Variants in GLMN observed in about 807,000 individuals in gnomAD.
The protein encoded by GLMN is glomulin.
In GLMN, 75 loss-of-function variants were observed where a neutral mutation model predicts 87.8. The observed-to-expected ratio is 0.85, with a 90% CI of 0.71 to 1.04. The LOEUF is 1.04. Among genes scored for constraint, GLMN ranks in the 50% least tolerant of loss-of-function variants. The pLI is 0.00. For missense variants in GLMN, 588 were observed against 658.8 expected (o/e 0.89, Z 1.18); for synonymous variants, 206 against 221.6 (o/e 0.93, Z 0.63).
the GLMN span, among the ~76,000 whole-genome samples, chr1:92,350,653 C>G: frequency 6.6e-6 from 1 of 152,190 alleles, no homozygotes; most frequent in African/African-American, 2.4e-5. Flanking sequence ...AGATTGTCTT[C>G]TATAGGCCAG....
chr1:92,278,698 T>C (rs1184596432), intron 7 of GLMN, among the ~76,000 whole-genome samples: 1 of 152,176 alleles, frequency 6.6e-6, no homozygotes, highest in African/African-American at 2.4e-5. Context: ...ATCCCTCAAC[T>C]CTGAAACTCA....
chr1:92,286,487 T>A lies in GLMN; in HGVS notation c.735+3A>T, dbSNP rs750029268. On this transcript the variant is annotated splice_donor_region_variant and intron_variant, in intron 7 of 18. Transcript: ENST00000370360. ...TATAGCAGATTAAATTAGCTGTACT[T>A]ACTATTATTTCTGATGCAAAATACC... 1 of 1,356,008 alleles carries A rather than the reference T, an allele frequency of 7.4e-7. No homozygotes were observed. Among genetic ancestry groups the A allele is most frequent in the African/African-American group, 1.4e-5 (1 of 70,068 alleles). The allele number at this position is 1,356,008 out of a possible 1,614,324, so 84.0% of individuals were successfully genotyped here.
chr1:92,282,516 A>C (rs1648190422), intron 7 of GLMN, among the ~76,000 whole-genome samples: 1 of 152,240 alleles, frequency 6.6e-6, no homozygotes, highest in African/African-American at 2.4e-5. Flanking sequence ...CCCACAAAAG[A>C]AAGCAGGAAA....
At chr1:92,267,012 CA>C (rs1395070224) in intron 11 of GLMN, among the ~76,000 whole-genome samples, 1 of 152,084 alleles carries the variant, frequency 6.6e-6, no homozygotes, top group Non-Finnish European at 1.5e-5. Context: ...AAAATGAAAT[CA>C]AATCTACAGA....
intron 16 of GLMN, among the ~76,000 whole-genome samples, chr1:92,258,475 T>G (rs914273118): frequency 5.9e-5 from 9 of 152,162 alleles, no homozygotes; most frequent in African/African-American, 2.2e-4. Context: ...GCAGCACTAT[T>G]CACAATAGCA....
chr1:92,247,160 AATC>A lies in GLMN; in HGVS notation c.1586-19_1586-17del, dbSNP rs1314720253. 5.5e-6 allele frequency: 7 copies of A among 1,274,010 alleles called. No homozygotes were observed. Among genetic ancestry groups the A allele is most frequent in the Non-Finnish European group, 8.0e-6 (7 of 872,938 alleles). The allele number at this position is 1,274,010 out of a possible 1,614,324, so 78.9% of individuals were successfully genotyped here. On this transcript the variant is annotated splice_polypyrimidine_tract_variant and intron_variant, in intron 17 of 18. Coordinates refer to ENST00000370360, the MANE Select transcript of GLMN (RefSeq NM_053274.3). ...TTCTGGGCCTCTGTAAGAGAAGAAA[AATC>A]ATGTGTGACACTTAACTCTCAGATT...
chr1:92,356,298 G>C, the GLMN span, among the ~76,000 whole-genome samples: 2 of 151,560 alleles, frequency 1.3e-5, no homozygotes, highest in African/African-American at 4.8e-5. Flanking sequence ...TTTTATTCTG[G>C]GAATAAGTAT....
the GLMN span, among the ~76,000 whole-genome samples, chr1:92,351,367 G>A: frequency 2.7e-5 from 4 of 147,148 alleles, no homozygotes; most frequent in South Asian, 4.3e-4. Context: ...TATATTTTTT[G>A]ATGTGGTATC....
At chr1:92,340,427 T>C in the GLMN span, among the ~76,000 whole-genome samples, 4 of 152,218 alleles carry the variant, frequency 2.6e-5, no homozygotes, top group African/African-American at 4.8e-5. Flanking sequence ...TGAGAAATCT[T>C]TTCAATCAAT....
At chr1:92,301,575 G>C (rs143394900), upstream of GLMN, 21 of 1,468,246 alleles carry the variant, frequency 1.4e-5, no homozygotes, top group African/African-American at 2.7e-4. Context: ...TTACAGAAGA[G>C]TTCCTAATGG....
the GLMN span, chr1:92,324,262 A>C: frequency 6.2e-7 from 1 of 1,613,924 alleles, no homozygotes; most frequent in Non-Finnish European, 8.5e-7. Context: ...ACCACTGCCA[A>C]GTTACGAGAA....
the GLMN span, chr1:92,324,130 AAAG>A: frequency 3.1e-6 from 5 of 1,614,164 alleles, no homozygotes; most frequent in South Asian, 3.3e-5. Flanking sequence ...CTCTCTGGTT[AAAG>A]AAGAACTTGA....
intron 3 of GLMN, among the ~76,000 whole-genome samples, chr1:92,292,289 T>C (rs1355065794): frequency 6.6e-6 from 1 of 152,134 alleles, no homozygotes; most frequent in East Asian, 1.9e-4. Context: ...CAGTGGCTCA[T>C]GTCTCTAATC....
At chr1:92,308,696 A>G in the GLMN span, among the ~76,000 whole-genome samples, 2 of 152,204 alleles carry the variant, frequency 1.3e-5, no homozygotes, top group Admixed American at 1.3e-4. Flanking sequence ...GTAGTGGCTC[A>G]TGCCTATAAT....
At chr1:92,304,496 T>A in the GLMN span, 1 of 500,138 alleles carries the variant, frequency 2.0e-6, no homozygotes, top group Non-Finnish European at 3.4e-6. Flanking sequence ...ATAGTGATGT[T>A]AAAAGTTTGA....
the GLMN span, among the ~76,000 whole-genome samples, chr1:92,307,638 A>G: frequency 6.6e-6 from 1 of 152,190 alleles, no homozygotes; most frequent in Non-Finnish European, 1.5e-5. Context: ...GAACTCTGCT[A>G]TGAGAAAGGT....
chr1:92,306,848 A>T, the GLMN span, among the ~76,000 whole-genome samples: 1 of 152,240 alleles, frequency 6.6e-6, no homozygotes. Context: ...AAGAATGTAT[A>T]ACAATATTAT....
At chr1:92,324,327 A>ACTAC in the GLMN span, 1 of 1,614,070 alleles carries the variant, frequency 6.2e-7, no homozygotes, top group East Asian at 2.2e-5. Flanking sequence ...TTTACAGAGG[A>ACTAC]CGGTATGTTT....
intron 5 of GLMN, 143 bp downstream of exon 5, chr1:92,290,055 T>C (rs1009810600): frequency 1.2e-5 from 8 of 669,258 alleles, no homozygotes; most frequent in African/African-American, 5.3e-5. Context: ...AGTATTCACA[T>C]TGGCATTGCT....
Sources: allele counts gnomAD v4.1 joint callset (sites outside exome capture counted in the v4.1 genomes callset), GRCh38; gene constraint gnomAD v4.1.1; transcripts MANE v1.5; gene names NCBI Gene and HGNC (gene_info 2026-07-23, HGNC 2026-07-21).